PATJ: variants seen among roughly 807,000 people sequenced by gnomAD.
PATJ encodes PATJ crumbs cell polarity complex component, also known as inaD-like protein.
In PATJ, 190 loss-of-function variants were observed where a neutral mutation model predicts 224.9. That is an observed-to-expected ratio of 0.84 (90% CI 0.75 to 0.95). The LOEUF is 0.95. Among genes scored for constraint, PATJ ranks in the 40% least tolerant of loss-of-function variants. The pLI is 0.00. For missense variants in PATJ, 2,121 were observed against 2,270.3 expected, an observed-to-expected ratio of 0.93 and a Z score of 1.34; for synonymous variants, 769 against 820.3, an observed-to-expected ratio of 0.94 and a Z score of 1.07.
chr1:61,995,613 A>G (rs559430339), intron 28 of PATJ, among the ~76,000 whole-genome samples: 14 of 152,314 alleles, frequency 9.2e-5, no homozygotes, highest in Admixed American at 5.2e-4. Context: ...CTGTCCATCA[A>G]TGGCTTGGTT....
chr1:61,978,223 TC>T (rs1644252145), intron 27 of PATJ, among the ~76,000 whole-genome samples: 3 of 101,212 alleles, frequency 3.0e-5, no homozygotes, highest in Admixed American at 2.4e-4. Context: ...CTTCCTTCCT[TC>T]CTCCCTCCCT....
Position 62,148,355 on chromosome 1 carries a change from T to G in PATJ, c.5343T>G (p.Gly1781=), listed in dbSNP as rs1570814696. 4 of 1,613,942 alleles carry G rather than the reference T, an allele frequency of 2.5e-6. No homozygotes were observed. The highest frequency in any genetic ancestry group is 3.4e-6 in the Non-Finnish European group (4 of 1,179,908). ...ACATGTCTACAGGCTACCACCTTGG[T>G]TCGCCCACTGCTGAACACCATCCAG... ...LENMSTGYHL[G]SPTAEHHPED... The change falls in exon 42 of 44, where the codon GGT becomes GGG. Residue 1781 remains glycine (G), a synonymous_variant. Coordinates refer to ENST00000642238, the MANE Select transcript of PATJ (RefSeq NM_001350145.3).
At chr1:62,118,028 A>G (rs1005516825) in intron 37 of PATJ, among the ~76,000 whole-genome samples, 1 of 152,170 alleles carries the variant, frequency 6.6e-6, no homozygotes, top group Non-Finnish European at 1.5e-5. Context: ...CAGTTAGCAC[A>G]CAGTTACTTC....
chr1:61,952,468 GT>G lies in PATJ; in HGVS notation c.3670+24643del. 9.8e-6 allele frequency: 7 copies of G among 716,474 alleles called. No homozygotes were observed. The South Asian group carries it at 1.0e-4, about 11-fold the overall frequency. The allele number at this position is 716,474 out of a possible 1,614,324, so 44.4% of individuals were successfully genotyped here. ...TTCTTTCGGAATGCAATCTGATGCT[GT>G]TTTAGTGTTGGTGCAGAATGTGGTT... On this transcript the variant is annotated intron_variant, in intron 27 of 43. Transcript: ENST00000642238.
chr1:61,779,478 T>TA (rs1199660587), intron 7 of PATJ, among the ~76,000 whole-genome samples: 1 of 152,256 alleles, frequency 6.6e-6, no homozygotes, highest in Admixed American at 6.5e-5. Context: ...TTCCTTTACT[T>TA]AAAGTCAACT....
intron 33 of PATJ, among the ~76,000 whole-genome samples, chr1:62,091,616 A>C (rs1396999210): frequency 6.6e-6 from 1 of 152,166 alleles, no homozygotes; most frequent in Non-Finnish European, 1.5e-5. Context: ...TTCAACATCA[A>C]ACTTTAAAAA....
chr1:61,831,586 A>T (rs1659330945), intron 16 of PATJ, among the ~76,000 whole-genome samples: 1 of 152,206 alleles, frequency 6.6e-6, no homozygotes, highest in African/African-American at 2.4e-5. Flanking sequence ...AAAATGCTTA[A>T]TAGCACTGAT....
chr1:62,030,737 A>G (rs1649093033), intron 29 of PATJ, among the ~76,000 whole-genome samples: 3 of 152,138 alleles, frequency 2.0e-5, no homozygotes, highest in African/African-American at 2.4e-5. Context: ...GTTAGTTTCA[A>G]CTGTTCTTAA....
intron 27 of PATJ, among the ~76,000 whole-genome samples, chr1:61,939,530 G>C (rs964969800): frequency 2.4e-4 from 36 of 151,738 alleles, no homozygotes; most frequent in African/African-American, 8.0e-4. Flanking sequence ...GCCTATCAGA[G>C]TACTTAATAT....
At chr1:62,064,907 C>G (rs1656152791) in intron 31 of PATJ, among the ~76,000 whole-genome samples, 1 of 152,198 alleles carries the variant, frequency 6.6e-6, no homozygotes, top group South Asian at 2.1e-4. Context: ...AAAAATACAT[C>G]TGTAGCAGGA....
chr1:61,767,361 C>A (rs1646340480), intron 4 of PATJ, among the ~76,000 whole-genome samples: 1 of 151,734 alleles, frequency 6.6e-6, no homozygotes, highest in Non-Finnish European at 1.5e-5. Flanking sequence ...TAGGGAGACC[C>A]CCATCTCTAC....
intron 31 of PATJ, among the ~76,000 whole-genome samples, chr1:62,058,874 G>T (rs936430695): frequency 1.3e-5 from 2 of 152,194 alleles, no homozygotes; most frequent in African/African-American, 4.8e-5. Context: ...TTAGGAGTCA[G>T]ATTCAGCCCA....
intron 27 of PATJ, among the ~76,000 whole-genome samples, chr1:61,941,273 A>T (rs1677775998): frequency 6.6e-6 from 1 of 152,244 alleles, no homozygotes; most frequent in African/African-American, 2.4e-5. Flanking sequence ...CAACAAACTT[A>T]TGGCATAACT....
intron 27 of PATJ, among the ~76,000 whole-genome samples, chr1:61,938,806 T>A (rs943092452): frequency 6.6e-6 from 1 of 152,034 alleles, no homozygotes; most frequent in Non-Finnish European, 1.5e-5. Flanking sequence ...ATAAAAAAAT[T>A]TTTTTTTCTA....
At chr1:61,760,361 A>G (rs530339732) in intron 1 of PATJ, among the ~76,000 whole-genome samples, 1 of 152,278 alleles carries the variant, frequency 6.6e-6, no homozygotes, top group South Asian at 2.1e-4. Flanking sequence ...TTCAGCCACC[A>G]TATCCAGGTT....
chr1:61,844,742 T>C (rs1661654650), intron 17 of PATJ, among the ~76,000 whole-genome samples: 1 of 152,078 alleles, frequency 6.6e-6, no homozygotes, highest in African/African-American at 2.4e-5. Flanking sequence ...TGGGAGGTAA[T>C]TGGATCATGG....
intron 27 of PATJ, among the ~76,000 whole-genome samples, chr1:61,973,581 C>T (rs1452408341): frequency 1.3e-5 from 2 of 151,922 alleles, no homozygotes; most frequent in Non-Finnish European, 2.9e-5. Context: ...CTGATGACCA[C>T]GATCTGATGT....
At chr1:61,921,459 T>G (rs1313834993) in intron 26 of PATJ, among the ~76,000 whole-genome samples, 1 of 152,184 alleles carries the variant, frequency 6.6e-6, no homozygotes, top group Admixed American at 6.5e-5. Flanking sequence ...ATAGGTAATA[T>G]ATAAGATTCC....
At chr1:61,828,893 G>A (rs1451114594) in intron 16 of PATJ, among the ~76,000 whole-genome samples, 1 of 152,016 alleles carries the variant, frequency 6.6e-6, no homozygotes, top group African/African-American at 2.4e-5. Context: ...GTGAATCTTG[G>A]GCAAATGACT....
Sources: gnomAD v4.1 joint callset for allele counts (sites outside exome capture counted in the v4.1 genomes callset) on GRCh38, gnomAD v4.1.1 for gene constraint, MANE v1.5 for transcripts, NCBI Gene and HGNC (gene_info 2026-07-23, HGNC 2026-07-21) for gene names.